PFKM: variants seen among roughly 807,000 people sequenced by gnomAD.
PFKM encodes the protein ATP-dependent 6-phosphofructokinase, muscle type.
In PFKM, 58 loss-of-function variants were observed where a neutral mutation model predicts 95.5. The observed-to-expected ratio is 0.61, with a 90% CI of 0.49 to 0.76. The LOEUF is 0.76. PFKM is among the 30% of genes least tolerant of loss of function. The pLI is 0.00. For missense variants in PFKM, 678 were observed against 1,005.4 expected, an observed-to-expected ratio of 0.67 and a Z score of 4.40; for synonymous variants, 336 against 357.2, an observed-to-expected ratio of 0.94 and a Z score of 0.67.
upstream of PFKM, among the ~76,000 whole-genome samples, chr12:48,118,156 CT>C (rs1389159467): frequency 6.6e-6 from 1 of 152,152 alleles, no homozygotes; most frequent in African/African-American, 2.4e-5. Context: ...TGAAGTGTGT[CT>C]GGCTTCCCCT....
intron 1 of PFKM, among the ~76,000 whole-genome samples, chr12:48,107,190 C>A (rs899827597): frequency 2.6e-5 from 4 of 152,150 alleles, no homozygotes; most frequent in African/African-American, 9.7e-5. Flanking sequence ...AGGGTTTCCT[C>A]CCCTGTCAAA....
chr12:48,115,197 C>T (rs547455112), upstream of PFKM, among the ~76,000 whole-genome samples: 6 of 152,122 alleles, frequency 3.9e-5, no homozygotes, highest in East Asian at 1.9e-4. Flanking sequence ...GGCATCCCCA[C>T]GATAATTAAA....
At chr12:48,105,901 CG>C (rs1291568642), upstream of PFKM, 10 of 624,910 alleles carry the variant, frequency 1.6e-5, no homozygotes, top group East Asian at 2.8e-4. Context: ...GAGGAAAAGG[CG>C]CCGGCCCCAC....
At chr12:48,119,199 G>C (rs373369815), upstream of PFKM, 32 of 804,686 alleles carry the variant, frequency 4.0e-5, no homozygotes, top group South Asian at 3.3e-4. Context: ...GAGTACTTAG[G>C]GGGAGGAGGA....
chr12:48,141,212 G>T, intron 14 of PFKM, 99 bp from the exon 15 acceptor site: 1 of 1,130,492 alleles, frequency 8.8e-7, no homozygotes, highest in South Asian at 1.2e-5. Context: ...AACCAAGGGG[G>T]ATCCAGGGGT....
At position 48,129,210 on chromosome 12, in the gene PFKM, C is replaced by CTTTTTTTTTT. The variant is rs778761447; in HGVS notation, c.86-1129_86-1120dup. On this transcript the variant is annotated intron_variant, in intron 2 of 22. Coordinates refer to ENST00000359794, the MANE Select transcript of PFKM (RefSeq NM_000289.6). ...GTTCTGTTTTGTTTTAATTTTCTTT[C>CTTTTTTTTTT]TTTTTTTTTTTTTTTTTTTTTTTTT... Among the ~76,000 whole-genome samples the CTTTTTTTTTT allele has an allele frequency of 1.8e-4, 4 of 21,976 alleles. 1 individual carries two copies. The highest frequency in any genetic ancestry group is 3.5e-4 in the Non-Finnish European group (4 of 11,448). 14.4% of individuals were successfully genotyped at this position (21,976 alleles called of 152,430 possible).
In PFKM at chr12:48,133,434, C is replaced by T. The variant is rs1949729756; in HGVS notation, c.547C>T (p.His183Tyr). ...DMTIGTDSAL[H>Y]RIMEIVDAIT... Reference sequence around the variant, plus strand: ...GACCATTGGCACTGACTCTGCCCTGCATCGGATCATGGAAATTGTAGATGC... The same window carrying T: ...GACCATTGGCACTGACTCTGCCCTGTATCGGATCATGGAAATTGTAGATGC... The change falls in exon 6 of 23, where the codon CAT (histidine) becomes TAT (tyrosine). Residue 183 changes from histidine to tyrosine, a missense_variant. Physicochemically the swap from His to Tyr is moderately conservative, Grantham distance 83. Transcript: ENST00000359794. 6.2e-7 allele frequency: 1 copy of T among 1,613,990 alleles called. No individual in the cohort carries two copies. Among genetic ancestry groups the T allele is most frequent in the Non-Finnish European group, 8.5e-7 (1 of 1,179,976 alleles).
intron 2 of PFKM, among the ~76,000 whole-genome samples, chr12:48,126,514 T>C (rs920387599): frequency 1.3e-5 from 2 of 152,102 alleles, no homozygotes; most frequent in Non-Finnish European, 2.9e-5. Flanking sequence ...ATTGTGAGAT[T>C]TTTTTTGTAT....
rs781280533 is a variant in PFKM, at chr12:48,141,813, A to G, written c.1486A>G (p.Ile496Val). ...TKFNIQGLVI[I>V]GGFEAYTGGL... ...GTTTAACATTCAGGGCCTTGTCATC[A>G]TTGGGGGCTTTGAGGTGAGTGCCTG... The change falls in exon 16 of 23, where the codon ATT (isoleucine) becomes GTT (valine). Residue 496 changes from isoleucine to valine, a missense_variant. Transcript: ENST00000359794. 2.5e-6 allele frequency: 4 copies of G among 1,613,830 alleles called. No homozygotes were observed. Among genetic ancestry groups the G allele is most frequent in the Non-Finnish European group, 2.5e-6 (3 of 1,179,808 alleles).
intron 1 of PFKM, among the ~76,000 whole-genome samples, chr12:48,106,695 C>G (rs1404928528): frequency 2.6e-5 from 3 of 117,472 alleles, no homozygotes; most frequent in African/African-American, 1.1e-4. Context: ...ACTTGATTGA[C>G]CATTCAGCAA....
At chr12:48,135,083 T>C (rs760898666) in intron 9 of PFKM, 45 bp downstream of exon 9, 1 of 1,420,662 alleles carries the variant, frequency 7.0e-7, no homozygotes, top group South Asian at 1.2e-5. Flanking sequence ...CCATAGCCCA[T>C]TCCCTTCTGG....
chr12:48,107,392 C>T (rs1286051220), exon 2 of PFKM: 9 of 1,598,166 alleles, frequency 5.6e-6, no homozygotes, highest in Non-Finnish European at 7.6e-6. Context: ...AGACGAGTTT[C>T]ATCTGAAATT....
intron 6 of PFKM, 83 bp downstream of exon 6, chr12:48,133,563 C>A: frequency 2.3e-6 from 3 of 1,295,880 alleles, no homozygotes; most frequent in Non-Finnish European, 3.3e-6. Flanking sequence ...AAGACTAAAG[C>A]GTTTGAGCTA....
chr12:48,131,933 G>C, intron 4 of PFKM: 2 of 444,816 alleles, frequency 4.5e-6, no homozygotes, highest in Non-Finnish European at 9.0e-6. Context: ...TCCACTGTGG[G>C]CTAGCCCACA....
chr12:48,127,000 G>A (rs1948921333), intron 2 of PFKM, among the ~76,000 whole-genome samples: 1 of 152,086 alleles, frequency 6.6e-6, no homozygotes. Context: ...GTGAACTTAG[G>A]CTTCTAGACT....
intron 1 of PFKM, among the ~76,000 whole-genome samples, chr12:48,120,721 T>TA (rs1948167718): frequency 6.6e-6 from 1 of 152,180 alleles, no homozygotes; most frequent in South Asian, 2.1e-4. Flanking sequence ...TTGCAACCAC[T>TA]AAAAAATATA....
intron 2 of PFKM, among the ~76,000 whole-genome samples, chr12:48,129,210 C>CT (rs778761447): frequency 0.042 from 913 of 21,966 alleles, 166 homozygotes; most frequent in Non-Finnish European, 0.063. Context: ...AATTTTCTTT[C>CT]TTTTTTTTTT....
At chr12:48,142,105 G>T in intron 17 of PFKM, 39 bp downstream of exon 17, 1 of 1,596,794 alleles carries the variant, frequency 6.3e-7, no homozygotes, top group Non-Finnish European at 8.6e-7. Context: ...TTTTGGCCAG[G>T]ATTATAATCC....
At chr12:48,139,415 C>G in intron 12 of PFKM, 66 bp downstream of exon 12, 1 of 1,254,670 alleles carries the variant, frequency 8.0e-7, no homozygotes. Context: ...CAAAGATCTC[C>G]ATGGCTCCAG....
Sources: allele counts gnomAD v4.1 joint callset (sites outside exome capture counted in the v4.1 genomes callset), GRCh38; gene constraint gnomAD v4.1.1; transcripts MANE v1.5; gene names NCBI Gene and HGNC (gene_info 2026-07-23, HGNC 2026-07-21).